TMTC4: variants seen among roughly 807,000 people sequenced by gnomAD.
TMTC4 encodes protein O-mannosyl-transferase TMTC4.
TMTC4 carries 65 observed loss-of-function variants against 86.0 expected under a neutral mutation model. That is an observed-to-expected ratio of 0.76 (90% CI 0.62 to 0.93). TMTC4 has a LOEUF of 0.93. Ranked by LOEUF, TMTC4 falls within the 40% of genes least tolerant of loss-of-function variation. The pLI is 0.00. For missense variants in TMTC4, 866 were observed against 948.1 expected, an observed-to-expected ratio of 0.91 and a Z score of 1.14; for synonymous variants, 379 against 382.5, an observed-to-expected ratio of 0.99 and a Z score of 0.11.
chr13:100,670,382 C>G lies in TMTC4; in HGVS notation c.-20G>C, dbSNP rs1594390340. The G allele has an allele frequency of 6.2e-7, 1 of 1,605,106 alleles. No homozygotes were observed. The highest frequency in any genetic ancestry group is 8.5e-7 in the Non-Finnish European group (1 of 1,176,626). On this transcript the variant is annotated 5_prime_UTR_variant, in exon 2 of 19. Transcript: ENST00000342624. Reference sequence around the variant, plus strand: ...CACCATTCCATGGTGATGCTGTCCCCTTCCAGGGGCCAGAAGGAGGCTCAG... The same window carrying G: ...CACCATTCCATGGTGATGCTGTCCCGTTCCAGGGGCCAGAAGGAGGCTCAG...
At chr13:100,641,732 C>T (rs896615222) in intron 7 of TMTC4, among the ~76,000 whole-genome samples, 18 of 152,276 alleles carry the variant, frequency 1.2e-4, no homozygotes, top group African/African-American at 2.9e-4. Flanking sequence ...GGTGATCTGC[C>T]CGCCTTGGCC....
At chr13:100,674,404 C>G (rs1395014321) in intron 1 of TMTC4, 3 of 934,938 alleles carry the variant, frequency 3.2e-6, no homozygotes, top group African/African-American at 3.6e-5. Context: ...GCGCCCGGGC[C>G]GAGGGAGCGC....
At chr13:100,634,180 CAT>C (rs1044161728) in intron 12 of TMTC4, among the ~76,000 whole-genome samples, 4 of 151,460 alleles carry the variant, frequency 2.6e-5, no homozygotes, top group African/African-American at 9.7e-5. Context: ...GGACCATGGT[CAT>C]ATATATGCAA....
At chr13:100,634,598 A>G (rs1426220789) in intron 12 of TMTC4, among the ~76,000 whole-genome samples, 1 of 152,118 alleles carries the variant, frequency 6.6e-6, no homozygotes. Context: ...CTGCTTTTAA[A>G]TGACTTCTTT....
chr13:100,611,602 T>TA (rs1328096472), intron 17 of TMTC4, among the ~76,000 whole-genome samples: 2 of 151,874 alleles, frequency 1.3e-5, no homozygotes, highest in Admixed American at 6.6e-5. Flanking sequence ...ACAAAAAAAA[T>TA]AAAAAAACAA....
intron 1 of TMTC4, chr13:100,674,465 G>C: frequency 1.1e-6 from 1 of 915,404 alleles, no homozygotes; most frequent in Non-Finnish European, 1.3e-6. Context: ...TGCCCGGGCG[G>C]AGAAGCTCAG....
chr13:100,646,650 G>A (rs1883783822), intron 6 of TMTC4, among the ~76,000 whole-genome samples: 1 of 152,188 alleles, frequency 6.6e-6, no homozygotes, highest in Admixed American at 6.5e-5. Context: ...CCTCCAAGTT[G>A]TTCAGGAGGC....
chr13:100,674,511 A>G, intron 1 of TMTC4: 1 of 968,728 alleles, frequency 1.0e-6, no homozygotes, highest in Non-Finnish European at 1.2e-6. Context: ...CGCAGCCTCC[A>G]CGCCGCGCCC....
intron 5 of TMTC4, among the ~76,000 whole-genome samples, chr13:100,661,799 T>C (rs1175731853): frequency 6.6e-6 from 1 of 152,246 alleles, no homozygotes; most frequent in Non-Finnish European, 1.5e-5. Flanking sequence ...CTGCTCAGCA[T>C]CTTGAAACTT....
At chr13:100,636,084 T>C (rs1470712264) in intron 10 of TMTC4, among the ~76,000 whole-genome samples, 1 of 152,230 alleles carries the variant, frequency 6.6e-6, no homozygotes, top group East Asian at 1.9e-4. Context: ...AACTTTTTTT[T>C]CCATCAAGAA....
chr13:100,658,841 A>G (rs1312555202), intron 5 of TMTC4, among the ~76,000 whole-genome samples: 1 of 152,230 alleles, frequency 6.6e-6, no homozygotes, highest in Admixed American at 6.5e-5. Context: ...TTTTAAAGCA[A>G]AAGAGCATTT....
At chr13:100,642,593 C>T (rs1047290127) in intron 6 of TMTC4, among the ~76,000 whole-genome samples, 1 of 152,148 alleles carries the variant, frequency 6.6e-6, no homozygotes, top group African/African-American at 2.4e-5. Flanking sequence ...AGAGTCCCCA[C>T]GCAGCAGGTA....
At chr13:100,612,655 AC>A in intron 16 of TMTC4, 145 bp from the exon 17 acceptor site, 2 of 36,236 alleles carry the variant, frequency 5.5e-5, no homozygotes, top group Middle Eastern at 5.5e-3. Context: ...ATCATGTAAT[AC>A]ACACACACAC....
chr13:100,613,907 T>C (rs1311892571), intron 16 of TMTC4, among the ~76,000 whole-genome samples: 3 of 147,628 alleles, frequency 2.0e-5, no homozygotes. Flanking sequence ...TGGCGTGATC[T>C]TGGCTCACTG....
At chr13:100,663,578 C>G (rs968165196) in intron 4 of TMTC4, among the ~76,000 whole-genome samples, 4 of 152,170 alleles carry the variant, frequency 2.6e-5, no homozygotes, top group Non-Finnish European at 2.9e-5. Context: ...TTATAACTTG[C>G]TTATCCTCCA....
chr13:100,668,541 G>A (rs1886675989), intron 3 of TMTC4, 38 bp downstream of exon 3: 2 of 1,583,658 alleles, frequency 1.3e-6, no homozygotes, highest in East Asian at 2.3e-5. Flanking sequence ...GACACAGTTG[G>A]GCAGTTAAGT....
intron 6 of TMTC4, among the ~76,000 whole-genome samples, chr13:100,654,154 C>T (rs1265261307): frequency 2.6e-5 from 4 of 152,144 alleles, no homozygotes; most frequent in Admixed American, 2.6e-4. Flanking sequence ...TTTAACTGCC[C>T]CAAGTAACTT....
chr13:100,617,425 T>G (rs550108782), intron 15 of TMTC4, among the ~76,000 whole-genome samples: 1 of 152,350 alleles, frequency 6.6e-6, no homozygotes, highest in African/African-American at 2.4e-5. Flanking sequence ...TGTGAGCCAC[T>G]GAGCTCAGCC....
chr13:100,611,599 A>C (rs577973942), intron 17 of TMTC4, among the ~76,000 whole-genome samples: 99 of 152,294 alleles, frequency 6.5e-4, no homozygotes, highest in Non-Finnish European at 1.2e-3. Flanking sequence ...AAAACAAAAA[A>C]AATAAAAAAA....
Sources: gnomAD v4.1 joint callset for allele counts (sites outside exome capture counted in the v4.1 genomes callset) on GRCh38, gnomAD v4.1.1 for gene constraint, MANE v1.5 for transcripts, NCBI Gene and HGNC (gene_info 2026-07-23, HGNC 2026-07-21) for gene names.